MORC3: variants seen among roughly 807,000 people sequenced by gnomAD.
MORC3 encodes the protein MORC family CW-type zinc finger protein 3.
MORC3 carries 31 observed loss-of-function variants against 109.1 expected under a neutral mutation model. That is an observed-to-expected ratio of 0.28 (90% confidence interval 0.21 to 0.38). The LOEUF (loss-of-function observed/expected upper bound fraction) is 0.38. Ranked by LOEUF, MORC3 falls within the 10% of genes least tolerant of loss-of-function variation. The pLI is 1.00. For synonymous variants in MORC3, 395 were observed against 380.7 expected, an observed-to-expected ratio of 1.04 and a Z score of -0.44; for missense variants, 867 against 1,135.8, an observed-to-expected ratio of 0.76 and a Z score of 3.40.
chr21:36,348,585 T>C (rs2085538225), intron 8 of MORC3, among the ~76,000 whole-genome samples: 1 of 152,140 alleles, frequency 6.6e-6, no homozygotes, highest in South Asian at 2.1e-4. Context: ...TTTTTTGTAT[T>C]TTTAGTAGAG....
chr21:36,371,548 G>C (rs1333417271), intron 15 of MORC3, among the ~76,000 whole-genome samples: 1 of 152,132 alleles, frequency 6.6e-6, no homozygotes. Flanking sequence ...GTAATGTATT[G>C]AATCTGTGCT....
chr21:36,360,335 G>A (rs1433513203), intron 12 of MORC3, 77 bp downstream of exon 12: 2 of 1,388,670 alleles, frequency 1.4e-6, no homozygotes, highest in Non-Finnish European at 2.0e-6. Flanking sequence ...ATTATTTGAT[G>A]CTTCTCCAAG....
At chr21:36,345,447 A>C (rs1396579702) in intron 8 of MORC3, among the ~76,000 whole-genome samples, 1 of 149,612 alleles carries the variant, frequency 6.7e-6, no homozygotes, top group African/African-American at 2.5e-5. Flanking sequence ...TTTGAGACAG[A>C]GCCTTGCTCT....
intron 1 of MORC3, among the ~76,000 whole-genome samples, chr21:36,328,632 CGCCTGG>C (rs1569087825): frequency 6.6e-6 from 1 of 151,988 alleles, no homozygotes. Flanking sequence ...TGAGCCACCG[CGCCTGG>C]CCAATTTTTT....
At chr21:36,352,037 C>T (rs1328585564) in intron 9 of MORC3, among the ~76,000 whole-genome samples, 1 of 152,118 alleles carries the variant, frequency 6.6e-6, no homozygotes, top group Non-Finnish European at 1.5e-5. Context: ...AAATACCATC[C>T]AGTACATGCT....
chr21:36,338,024 T>C lies in MORC3; in HGVS notation c.460+78T>C, dbSNP rs916144100. Reference sequence around the variant, plus strand: ...GGAAACATTCTATGTTTTTGCCTTCTTCCAGATTATTCCCTTTGAATAACA... The same window carrying C: ...GGAAACATTCTATGTTTTTGCCTTCCTCCAGATTATTCCCTTTGAATAACA... On this transcript the variant is annotated intron_variant, in intron 4 of 16. Coordinates refer to ENST00000400485, the MANE Select transcript of MORC3 (RefSeq NM_015358.3). 6.8e-5 allele frequency: 96 copies of C among 1,409,566 alleles called. No individual in the cohort carries two copies. The South Asian group carries it at 7.8e-4, about 11-fold the overall frequency. 87.3% of individuals were successfully genotyped at this position (1,409,566 alleles called of 1,614,324 possible). A position where few individuals can be genotyped will look rare whatever the true frequency, so the allele number is the denominator to read the frequency against.
chr21:36,369,183 A>T lies in MORC3; in HGVS notation c.1815A>T (p.Gln605His). ...DMKSEQSHVEQGGVQVEFVGD... is the reference protein window; with the variant it reads ...DMKSEQSHVEHGGVQVEFVGD... ...AATCAGAACAGAGTCACGTTGAGCA[A>T]GGTGGTGTTCAGGTTGAGTTTGTGG... Residue 605 changes from glutamine to histidine, a missense_variant, in exon 15 of 17, where the codon CAA becomes CAT. Around this residue, in one of 7 missense-constraint regions of MORC3, gnomAD observed 486 missense variants for 502.1 expected, o/e 0.97. Coordinates refer to ENST00000400485, the MANE Select transcript of MORC3 (RefSeq NM_015358.3). The T allele has an allele frequency of 6.2e-7, 1 of 1,614,210 alleles. No homozygotes were observed. The highest frequency in any genetic ancestry group is 8.5e-7 in the Non-Finnish European group (1 of 1,180,038).
Position 36,338,931 on chromosome 21 carries a change from G to A in MORC3, c.608+10G>A, listed in dbSNP as rs1182827293. The A allele has an allele frequency of 6.2e-7, 1 of 1,613,318 alleles. No individual in the cohort carries two copies. The highest frequency in any genetic ancestry group is 2.2e-5 in the East Asian group (1 of 44,844). On this transcript the variant is annotated intron_variant, in intron 5 of 16. Coordinates refer to ENST00000400485, the MANE Select transcript of MORC3 (RefSeq NM_015358.3). The stretch of plus-strand genomic sequence containing the variant: ...TTTGGAATCTTAGAAGGTAAACGTG[G>A]ACATAGATGTTGACCGTTTGGGAAG...
At chr21:36,340,964 T>C (rs117248785) in intron 5 of MORC3, among the ~76,000 whole-genome samples, 2 of 152,196 alleles carry the variant, frequency 1.3e-5, no homozygotes, top group Admixed American at 6.5e-5. Flanking sequence ...TGCTGAGTAG[T>C]GTTTCATTGT....
rs2085879791 is a variant in MORC3, at chr21:36,372,382, G to T, written c.2517G>T (p.Leu839Phe). The change falls in exon 16 of 17, where the codon TTG (leucine) becomes TTT (phenylalanine). Residue 839 changes from leucine (L) to phenylalanine (F), a missense_variant. Leu to Phe is a conservative substitution (Grantham distance 22, BLOSUM62 0). Around this residue, in one of 7 missense-constraint regions of MORC3, gnomAD observed 486 missense variants for 502.1 expected, o/e 0.97. Transcript: ENST00000400485. ...ERDQYKSEVELLEMEKSQIRS... is the reference protein window; with the variant it reads ...ERDQYKSEVEFLEMEKSQIRS... ...ATTTATATTTTTGTTAGGTTGAATT[G>T]CTGGAAATGGAAAAGTCACAAATCC... 6.4e-7 allele frequency: 1 copy of T among 1,567,156 alleles called. No homozygotes were observed. Among genetic ancestry groups the T allele is most frequent in the Non-Finnish European group, 8.6e-7 (1 of 1,164,692 alleles).
rs891491450 is a variant in MORC3, at chr21:36,376,292, T to C, written c.*996T>C. On this transcript the variant is annotated 3_prime_UTR_variant, in exon 17 of 17. Transcript: ENST00000400485. The stretch of plus-strand genomic sequence containing the variant: ...TTGTGCAATTTTAAAGAGATGGCTT[T>C]CTATTAAGTATAAACTATGTATATA... 5.2e-5 allele frequency: 8 copies of C among 152,686 alleles called. No homozygotes were observed. Among genetic ancestry groups the C allele is most frequent in the Non-Finnish European group, 1.2e-4 (8 of 68,038 alleles). The allele number at this position is 152,686 out of a possible 1,614,324, so 9.5% of individuals were successfully genotyped here. A position where few individuals can be genotyped will look rare whatever the true frequency, so the allele number is the denominator to read the frequency against.
chr21:36,320,343 AGGGC>A (rs1289276733), intron 1 of MORC3, 40 bp downstream of exon 1: 2 of 1,098,136 alleles, frequency 1.8e-6, no homozygotes, highest in Non-Finnish European at 2.4e-6. Flanking sequence ...GTGTCCCAGG[AGGGC>A]GGGCGGGCAA....
chr21:36,344,765 C>T, intron 7 of MORC3, 58 bp downstream of exon 7: 3 of 1,599,070 alleles, frequency 1.9e-6, no homozygotes, highest in Non-Finnish European at 2.6e-6. Flanking sequence ...CTCTTTTGCC[C>T]CTTTCCCCTT....
intron 9 of MORC3, among the ~76,000 whole-genome samples, chr21:36,351,000 C>G: frequency 6.9e-6 from 1 of 144,822 alleles, no homozygotes; most frequent in Admixed American, 7.0e-5. Context: ...CAATTTTACT[C>G]TTCTAGTTAC....
chr21:36,364,023 T>G, intron 13 of MORC3, 70 bp from the exon 14 acceptor site: 1 of 1,481,622 alleles, frequency 6.7e-7, no homozygotes, highest in Non-Finnish European at 9.2e-7. Context: ...AGAGGAAGAT[T>G]ATATCTTGTG....
chr21:36,367,654 C>T (rs1292490935), intron 14 of MORC3, among the ~76,000 whole-genome samples: 2 of 152,098 alleles, frequency 1.3e-5, no homozygotes, highest in African/African-American at 4.8e-5. Context: ...GGAAATCATA[C>T]CAGAAAAACT....
intron 14 of MORC3, among the ~76,000 whole-genome samples, chr21:36,364,974 C>T (rs1373177339): frequency 7.1e-6 from 1 of 141,610 alleles, no homozygotes; most frequent in African/African-American, 2.6e-5. Flanking sequence ...ATCGCTTGAA[C>T]CTGGGAGGCG....
chr21:36,347,539 G>A (rs1055783014), intron 8 of MORC3, among the ~76,000 whole-genome samples: 1 of 152,160 alleles, frequency 6.6e-6, no homozygotes, highest in Non-Finnish European at 1.5e-5. Context: ...TTTGCATTCT[G>A]TGGATTCGGT....
At chr21:36,350,567 G>A (rs921375326) in intron 9 of MORC3, among the ~76,000 whole-genome samples, 4 of 151,026 alleles carry the variant, frequency 2.6e-5, no homozygotes, top group Non-Finnish European at 2.9e-5. Flanking sequence ...AAAAAATTTC[G>A]GTTCTTTGGT....
Sources: allele counts gnomAD v4.1 joint callset (sites outside exome capture counted in the v4.1 genomes callset), GRCh38; gene constraint gnomAD v4.1.1; regional missense constraint gnomAD v4.1.1; transcripts MANE v1.5; gene names NCBI Gene and HGNC (gene_info 2026-07-23, HGNC 2026-07-21).